The following DNASE1 variants were observed in gnomAD, a reference collection of about 807,000 sequenced individuals.
DNASE1 encodes deoxyribonuclease 1.
Under a neutral mutation model 33.9 loss-of-function variants are expected in DNASE1, and 40 were observed. The observed-to-expected ratio is 1.18, with a 90% CI of 0.92 to 1.54. The LOEUF (loss-of-function observed/expected upper bound fraction) is 1.54. DNASE1 is among the 40% of genes most tolerant of loss of function. DNASE1 has a pLI of 0.00. For synonymous variants in DNASE1, 216 were observed against 160.0 expected, an observed-to-expected ratio of 1.35 and a Z score of -2.64; for missense variants, 518 against 372.6, an observed-to-expected ratio of 1.39 and a Z score of -3.21.
exon 10 of DNASE1, chr16:3,664,161 C>T (rs2050766409): frequency 1.7e-6 from 2 of 1,182,712 alleles, no homozygotes; most frequent in Non-Finnish European, 2.3e-6. Context: ...CCCTGACCCA[C>T]TGTGCAGCCC....
intron 1 of DNASE1, among the ~76,000 whole-genome samples, chr16:3,637,123 C>A (rs1290406329): frequency 1.1e-4 from 16 of 144,376 alleles, no homozygotes; most frequent in Middle Eastern, 3.5e-3. Context: ...GACTCCATCT[C>A]AAAAAAAAAA....
upstream of DNASE1, among the ~76,000 whole-genome samples, chr16:3,639,243 G>A (rs942905124): frequency 6.6e-6 from 1 of 152,210 alleles, no homozygotes; most frequent in Non-Finnish European, 1.5e-5. Flanking sequence ...AGCGTTGAGA[G>A]GAAAGGGCAT....
chr16:3,663,575 A>C, exon 10 of DNASE1: 2 of 1,613,458 alleles, frequency 1.2e-6, no homozygotes, highest in Non-Finnish European at 1.7e-6. Context: ...GCAGGTGGCC[A>C]AGAGCAGCTC....
chr16:3,659,874 C>T (rs1025632900), downstream of DNASE1: 2 of 152,134 alleles, frequency 1.3e-5, no homozygotes, highest in Admixed American at 1.3e-4. Flanking sequence ...CTCAGCCTCC[C>T]AAGTAACTGG....
upstream of DNASE1, chr16:3,654,065 T>C (rs983576997): frequency 4.6e-5 from 11 of 239,120 alleles, no homozygotes; most frequent in Admixed American, 5.6e-5. Context: ...GCCATGATTG[T>C]GCCACTGCAC....
rs150984053 is a variant in DNASE1, at chr16:3,655,887, C to T, written c.186C>T (p.Val62=). The T allele has an allele frequency of 8.7e-6, 14 of 1,614,030 alleles. No individual in the cohort carries two copies. The highest frequency in any genetic ancestry group is 1.2e-5 in the Non-Finnish European group (14 of 1,180,022). The part of the protein sequence containing the change: ...SRYDIALVQE[V]RDSHLTAVGK... ...ATGACATCGCCCTGGTCCAGGAGGT[C>T]AGAGACAGCCACCTGACTGCCGTGG... Residue 62 remains valine, a synonymous_variant, in exon 3 of 9, where the codon GTC becomes GTT. Coordinates refer to ENST00000246949, the MANE Select transcript of DNASE1 (RefSeq NM_005223.4).
Position 3,655,926 on chromosome 16 carries a change from C to T in DNASE1, c.225C>T (p.Asp75=), listed in dbSNP as rs146770039. 1.6e-5 allele frequency: 26 copies of T among 1,613,982 alleles called. No homozygotes were observed. The highest frequency in any genetic ancestry group is 1.6e-4 in the Middle Eastern group (1 of 6,084). ...TGACTGCCGTGGGGAAGCTGCTGGACAACCTCAATCAGTGGGTGACAGTGG... is the reference window on the plus strand; with the variant it reads ...TGACTGCCGTGGGGAAGCTGCTGGATAACCTCAATCAGTGGGTGACAGTGG... ...SHLTAVGKLL[D]NLNQDAPDTY... Residue 75 remains aspartate, a synonymous_variant, in exon 3 of 9, where the codon GAC becomes GAT. Transcript: ENST00000246949.
chr16:3,657,799 G>C lies in DNASE1; in HGVS notation c.784G>C (p.Gly262Arg). ...ALPFNFQAAY[G>R]LSDQLAQAIS... ...TCCCTTTAACTTCCAGGCTGCCTAT[G>C]GCCTGAGTGACCAACTGGTATGTGT... The change falls in exon 8 of 9, where the codon GGC becomes CGC. Residue 262 changes from glycine (G) to arginine (R), a missense_variant. Physicochemically the swap from Gly to Arg is moderately radical, Grantham distance 125. Transcript: ENST00000246949. The C allele has an allele frequency of 6.2e-7, 1 of 1,613,856 alleles. No individual in the cohort carries two copies. Among genetic ancestry groups the C allele is most frequent in the Non-Finnish European group, 8.5e-7 (1 of 1,179,916 alleles).
chr16:3,631,612 C>A (rs921296707), intron 1 of DNASE1, among the ~76,000 whole-genome samples: 57 of 152,252 alleles, frequency 3.7e-4, no homozygotes, highest in African/African-American at 1.2e-3. Flanking sequence ...GCAACCTCTA[C>A]CTCCCAGGTT....
At chr16:3,658,166 A>G (rs2042826188), downstream of DNASE1, 1 of 1,613,914 alleles carries the variant, frequency 6.2e-7, no homozygotes, top group Non-Finnish European at 8.5e-7. Context: ...CAGCTCATTC[A>G]AGCGGCCCAC....
At chr16:3,632,021 C>T (rs890680268) in intron 1 of DNASE1, among the ~76,000 whole-genome samples, 7 of 152,196 alleles carry the variant, frequency 4.6e-5, no homozygotes, top group African/African-American at 1.7e-4. Flanking sequence ...AGCTTCATCT[C>T]CACCCCTTTC....
chr16:3,640,650 T>C, upstream of DNASE1: 1 of 398,002 alleles, frequency 2.5e-6, no homozygotes, highest in African/African-American at 2.1e-5. Context: ...TTGCTGAAGT[T>C]TCAGAATAGG....
chr16:3,635,184 G>A (rs934736991), intron 1 of DNASE1, among the ~76,000 whole-genome samples: 5 of 152,074 alleles, frequency 3.3e-5, no homozygotes, highest in South Asian at 2.1e-4. Flanking sequence ...TAGACCGGGC[G>A]TGGTGGCTTT....
downstream of DNASE1, chr16:3,660,926 A>C (rs2043038526): frequency 6.6e-6 from 1 of 150,518 alleles, no homozygotes; most frequent in Non-Finnish European, 1.5e-5. Flanking sequence ...CCTGTCTCAA[A>C]AATTAAAATA....
At chr16:3,643,707 G>T (rs1053768099) in intron 1 of DNASE1, among the ~76,000 whole-genome samples, 1 of 152,140 alleles carries the variant, frequency 6.6e-6, no homozygotes, top group African/African-American at 2.4e-5. Flanking sequence ...ACGGTTTTTG[G>T]ACATGGACTT....
chr16:3,618,626 G>A (rs539370849), intron 1 of DNASE1, among the ~76,000 whole-genome samples: 4 of 152,290 alleles, frequency 2.6e-5, no homozygotes, highest in African/African-American at 9.6e-5. Flanking sequence ...CTACTCGGGA[G>A]GCTGAGGCAG....
Position 3,657,042 on chromosome 16 carries a change from GGACGCAGTAGCCGAGATC to G in DNASE1, c.486_503del (p.Val163_Ala168del). The G allele has an allele frequency of 1.2e-6, 2 of 1,613,790 alleles. No homozygotes were observed. Among genetic ancestry groups the G allele is most frequent in the South Asian group, 2.2e-5 (2 of 91,076 alleles). On this transcript the variant is annotated inframe_deletion, in exon 6 of 9. Transcript: ENST00000246949. ...TTGTTCCCCTGCATGCGGCCCCGGG[GGACGCAGTAGCCGAGATC>G]GACGCTCTCTATGACGTCTACCTGG...
At chr16:3,651,330 T>C (rs1596631215), upstream of DNASE1, 2 of 152,376 alleles carry the variant, frequency 1.3e-5, no homozygotes, top group East Asian at 3.9e-4. Context: ...TAATTTAACC[T>C]GAGAAGGCTG....
In DNASE1 at chr16:3,619,759, CCTT is replaced by C. The variant is rs1188706062; in HGVS notation, c.-1359+7754_-1359+7756del. 2.6e-5 allele frequency among the ~76,000 whole-genome samples: 4 copies of C among 152,062 alleles called. No individual in the cohort carries two copies. The East Asian group carries it at 7.7e-4, about 29-fold the overall frequency. On this transcript the variant is annotated intron_variant and NMD_transcript_variant, in intron 1 of 11. Coordinates refer to the DNASE1 transcript ENST00000570769. ...TTCCTGGGCTCAAGTGGTTCTCCTG[CCTT>C]GGCCTCCCAAAGTGCTGGGATTATA...
Sources: allele counts gnomAD v4.1 joint callset (sites outside exome capture counted in the v4.1 genomes callset), GRCh38; gene constraint gnomAD v4.1.1; transcripts MANE v1.5; gene names NCBI Gene and HGNC (gene_info 2026-07-23, HGNC 2026-07-21).